Variants in MARCHF10 observed in about 807,000 individuals in gnomAD.
MARCHF10 encodes the protein membrane associated ring-CH-type finger 10.
MARCHF10 carries 64 observed loss-of-function variants against 76.2 expected under a neutral mutation model. The ratio of observed to expected loss-of-function variants is 0.84; its 90% CI spans 0.69 to 1.03. The LOEUF is 1.03. Ranked by LOEUF, MARCHF10 falls within the 50% of genes least tolerant of loss-of-function variation. The pLI is 0.00. For synonymous variants in MARCHF10, 340 were observed against 357.5 expected, an observed-to-expected ratio of 0.95 and a Z score of 0.55; for missense variants, 875 against 958.0, an observed-to-expected ratio of 0.91 and a Z score of 1.14.
chr17:62,719,556 G>A (rs1004322376), intron 8 of MARCHF10, among the ~76,000 whole-genome samples: 1 of 151,616 alleles, frequency 6.6e-6, no homozygotes, highest in Admixed American at 6.6e-5. Flanking sequence ...CCTCTTACAG[G>A]ATTTTTTCTT....
At chr17:62,759,033 C>T (rs897502122) in intron 4 of MARCHF10, among the ~76,000 whole-genome samples, 9 of 152,174 alleles carry the variant, frequency 5.9e-5, no homozygotes, top group African/African-American at 2.2e-4. Context: ...TACTCTAAGG[C>T]AGCTAAAGAG....
At chr17:62,745,822 G>T (rs2091684983) in intron 4 of MARCHF10, among the ~76,000 whole-genome samples, 1 of 152,194 alleles carries the variant, frequency 6.6e-6, no homozygotes, top group African/African-American at 2.4e-5. Flanking sequence ...CGTGAATGTG[G>T]AGGAAAAGTT....
intron 4 of MARCHF10, among the ~76,000 whole-genome samples, chr17:62,751,372 C>G (rs2091893572): frequency 6.6e-6 from 1 of 152,142 alleles, no homozygotes; most frequent in Admixed American, 6.5e-5. Flanking sequence ...ATCGATGTCA[C>G]CTGGGACTTC....
chr17:62,729,926 G>C (rs2090944060), intron 6 of MARCHF10, among the ~76,000 whole-genome samples: 1 of 152,218 alleles, frequency 6.6e-6, no homozygotes, highest in Non-Finnish European at 1.5e-5. Flanking sequence ...GCTCACGCCT[G>C]TAATCCCAGC....
intron 3 of MARCHF10, among the ~76,000 whole-genome samples, chr17:62,782,345 C>CTTTTT (rs10676023): frequency 4.0e-4 from 43 of 107,016 alleles, no homozygotes; most frequent in African/African-American, 1.3e-3. Flanking sequence ...AACAACTGTT[C>CTTTTT]TTTTTTTTTT....
intron 9 of MARCHF10, among the ~76,000 whole-genome samples, chr17:62,708,858 A>G (rs375887762): frequency 1.3e-5 from 2 of 152,260 alleles, no homozygotes; most frequent in African/African-American, 2.4e-5. Flanking sequence ...TTGCATTCAT[A>G]TAGCTCACAA....
intron 1 of MARCHF10, among the ~76,000 whole-genome samples, chr17:62,805,705 A>G (rs986413277): frequency 1.3e-5 from 2 of 152,148 alleles, no homozygotes; most frequent in African/African-American, 4.8e-5. Context: ...TGAGGTCAGG[A>G]GTTCGAGATC....
intron 2 of MARCHF10, among the ~76,000 whole-genome samples, chr17:62,789,093 A>C (rs916326119): frequency 6.6e-6 from 1 of 151,446 alleles, no homozygotes; most frequent in Non-Finnish European, 1.5e-5. Context: ...AAAAAAAAAA[A>C]ACGCAGGTCA....
chr17:62,753,171 A>T (rs2091947008), intron 4 of MARCHF10, among the ~76,000 whole-genome samples: 1 of 151,928 alleles, frequency 6.6e-6, no homozygotes. Flanking sequence ...CAGTCACGTG[A>T]TCTCAGCTCA....
intron 4 of MARCHF10, among the ~76,000 whole-genome samples, chr17:62,754,111 C>T (rs911312444): frequency 4.6e-5 from 7 of 152,114 alleles, no homozygotes; most frequent in African/African-American, 1.4e-4. Context: ...TTCACTCTGT[C>T]GCCCAGGCTG....
At chr17:62,766,710 G>A (rs775451262) in intron 3 of MARCHF10, among the ~76,000 whole-genome samples, 2 of 152,082 alleles carry the variant, frequency 1.3e-5, no homozygotes, top group Non-Finnish European at 2.9e-5. Context: ...GGAGATCATC[G>A]ATGAAAATGC....
intron 3 of MARCHF10, among the ~76,000 whole-genome samples, chr17:62,782,391 A>G (rs1485528876): frequency 8.1e-6 from 1 of 122,802 alleles, no homozygotes; most frequent in Admixed American, 1.1e-4. Flanking sequence ...TCTGTCGCCC[A>G]GGGTGGAGTA....
At chr17:62,797,350 G>A (rs973043742) in intron 2 of MARCHF10, among the ~76,000 whole-genome samples, 143 of 152,192 alleles carry the variant, frequency 9.4e-4, no homozygotes, top group African/African-American at 3.2e-3. Context: ...GATTACAGGT[G>A]CCTGACACCA....
At chr17:62,708,740 T>G (rs2089743200) in intron 9 of MARCHF10, among the ~76,000 whole-genome samples, 1 of 152,200 alleles carries the variant, frequency 6.6e-6, no homozygotes, top group Non-Finnish European at 1.5e-5. Context: ...GGGACGTCAG[T>G]AAACACTCAA....
chr17:62,789,343 C>T (rs1209726411), intron 2 of MARCHF10, among the ~76,000 whole-genome samples: 2 of 152,124 alleles, frequency 1.3e-5, no homozygotes, highest in African/African-American at 4.8e-5. Context: ...ATGTGTGTTT[C>T]CTGCACTTGG....
rs893152164 is a variant in MARCHF10, at chr17:62,715,038, C to T, written c.2215-3694G>A. 3.9e-5 allele frequency among the ~76,000 whole-genome samples: 6 copies of T among 152,276 alleles called. No individual in the cohort carries two copies. The South Asian group carries it at 6.2e-4, about 16-fold the overall frequency. On this transcript the variant is annotated intron_variant, in intron 8 of 10. Coordinates refer to ENST00000311269, the MANE Select transcript of MARCHF10 (RefSeq NM_152598.4). ...TTGCGATTACAGGCGTGAGTCACCG[C>T]GCCTGGCCTCACTGCTCCTCCTTTC...
intron 2 of MARCHF10, among the ~76,000 whole-genome samples, chr17:62,801,125 G>A (rs2093064494): frequency 6.6e-6 from 1 of 152,158 alleles, no homozygotes; most frequent in East Asian, 1.9e-4. Flanking sequence ...AATACTAGAA[G>A]TGGATACAAC....
chr17:62,797,362 G>C (rs952934396), intron 2 of MARCHF10, among the ~76,000 whole-genome samples: 1 of 151,992 alleles, frequency 6.6e-6, no homozygotes, highest in East Asian at 1.9e-4. Context: ...CTGACACCAC[G>C]CCCAGCTAAT....
intron 1 of MARCHF10, among the ~76,000 whole-genome samples, chr17:62,804,414 AT>A (rs1277163980): frequency 2.6e-5 from 4 of 152,178 alleles, no homozygotes; most frequent in African/African-American, 9.7e-5. Context: ...GAACACGAAT[AT>A]TTAGAGAACA....
Sources: gnomAD v4.1 joint callset for allele counts (sites outside exome capture counted in the v4.1 genomes callset) on GRCh38, gnomAD v4.1.1 for gene constraint, MANE v1.5 for transcripts, NCBI Gene and HGNC (gene_info 2026-07-23, HGNC 2026-07-21) for gene names.